The following EBF2 variants were observed in gnomAD, a reference collection of about 807,000 sequenced individuals.
The protein encoded by EBF2 is EBF transcription factor 2.
EBF2 carries 21 observed loss-of-function variants against 72.8 expected under a neutral mutation model. The observed-to-expected ratio is 0.29, with a 90% CI of 0.20 to 0.42. The LOEUF (loss-of-function observed/expected upper bound fraction) is 0.42. Ranked by LOEUF, EBF2 falls within the 10% of genes least tolerant of loss-of-function variation. The pLI, the probability that EBF2 is intolerant of heterozygous loss-of-function variation, is 1.00. For missense variants in EBF2, 637 were observed against 731.2 expected, an observed-to-expected ratio of 0.87 and a Z score of 1.49; for synonymous variants, 299 against 274.2, an observed-to-expected ratio of 1.09 and a Z score of -0.89.
At chr8:26,032,963 C>T in intron 6 of EBF2, 122 bp downstream of exon 6, 4 of 921,660 alleles carry the variant, frequency 4.3e-6, no homozygotes, top group Non-Finnish European at 6.9e-6. Context: ...GTTGGATGAG[C>T]TTAGTGACTT....
intron 6 of EBF2, among the ~76,000 whole-genome samples, chr8:25,985,776 G>A (rs956287015): frequency 5.9e-5 from 9 of 151,978 alleles, no homozygotes; most frequent in African/African-American, 1.7e-4. Flanking sequence ...GAGGCAGGCC[G>A]ACCGCTTGAG....
chr8:25,967,446 A>G (rs1394347990), intron 6 of EBF2, among the ~76,000 whole-genome samples: 1 of 152,240 alleles, frequency 6.6e-6, no homozygotes, highest in Non-Finnish European at 1.5e-5. Context: ...ACTCTAAACT[A>G]CCTTGAATGT....
rs762115850 is a variant in EBF2, at chr8:26,042,231, G to A, written c.152C>T (p.Ala51Val). The stretch of plus-strand genomic sequence containing the variant: ...GGAAGGAGGCTGTTTCTCAAAGTGG[G>A]CCCGGGACAGGGCGACCCCGCTGCA... ...AAQSGVALSRAHFEKQPPSNL... is the reference protein window; with the variant it reads ...AAQSGVALSRVHFEKQPPSNL... The change falls in exon 2 of 16, where the codon GCC (alanine) becomes GTC (valine). Residue 51 changes from alanine to valine, a missense_variant. By Grantham distance (64) the Ala-to-Val change is moderately conservative. Transcript: ENST00000520164. The A allele has an allele frequency of 1.1e-5, 18 of 1,613,892 alleles. No homozygotes were observed. The East Asian group carries it at 3.3e-4, about 30-fold the overall frequency.
chr8:25,853,437 C>G (rs1042764544), intron 14 of EBF2, among the ~76,000 whole-genome samples: 3 of 151,994 alleles, frequency 2.0e-5, no homozygotes, highest in African/African-American at 4.8e-5. Context: ...AACACTCAAA[C>G]TGATTCATAA....
Position 25,862,574 on chromosome 8 carries a change from G to A in EBF2, c.1098+135C>T, listed in dbSNP as rs373883465. The A allele has an allele frequency of 5.3e-4, 247 of 467,654 alleles. 2 individuals carry two copies. The highest frequency in any genetic ancestry group is 4.4e-3 in the South Asian group (120 of 27,262). The allele number at this position is 467,654 out of a possible 1,614,324, so 29.0% of individuals were successfully genotyped here. A position where few individuals can be genotyped will look rare whatever the true frequency, so the allele number is the denominator to read the frequency against. On this transcript the variant is annotated intron_variant, in intron 11 of 15. Coordinates refer to ENST00000520164, the MANE Select transcript of EBF2 (RefSeq NM_022659.4). Reference sequence around the variant, plus strand: ...ATATATTTCATAGCAGATATTTTATGTGCATCTCGTATCTAAAGCTTAGCC... The same window carrying A: ...ATATATTTCATAGCAGATATTTTATATGCATCTCGTATCTAAAGCTTAGCC...
chr8:26,044,138 T>C lies in EBF2; in HGVS notation c.131+591A>G, dbSNP rs1288454542. Among the ~76,000 whole-genome samples the C allele has an allele frequency of 2.6e-5, 4 of 152,224 alleles. No individual in the cohort carries two copies. Among genetic ancestry groups the C allele is most frequent in the African/African-American group, 9.6e-5 (4 of 41,464 alleles). On this transcript the variant is annotated intron_variant, in intron 1 of 15. Coordinates refer to ENST00000520164, the MANE Select transcript of EBF2 (RefSeq NM_022659.4). The surrounding 1 kb of genome is among the most constrained non-coding windows in gnomAD (Gnocchi z 4.1). ...GTTCGTCTGGCTCACTGTTTTATCT[T>C]TGAGCCGGGACCCTCCAGCCTGTCC...
intron 6 of EBF2, among the ~76,000 whole-genome samples, chr8:25,924,520 G>A (rs1352112160): frequency 6.6e-6 from 1 of 152,278 alleles, no homozygotes; most frequent in Middle Eastern, 3.4e-3. Flanking sequence ...GAGGTTAAAC[G>A]AAAAGCTGAT....
intron 6 of EBF2, among the ~76,000 whole-genome samples, chr8:25,950,619 T>C (rs1803845238): frequency 6.6e-6 from 1 of 152,178 alleles, no homozygotes; most frequent in African/African-American, 2.4e-5. Flanking sequence ...GGAGCCTGAC[T>C]AAAAACAAAA....
intron 6 of EBF2, among the ~76,000 whole-genome samples, chr8:25,933,064 CGTT>C (rs953932832): frequency 1.7e-4 from 26 of 152,240 alleles, no homozygotes; most frequent in Non-Finnish European, 1.6e-4. Context: ...TCACTGGAAA[CGTT>C]GTGAGTTGTT....
intron 6 of EBF2, among the ~76,000 whole-genome samples, chr8:25,958,337 G>C (rs1477916135): frequency 6.6e-6 from 1 of 152,028 alleles, no homozygotes; most frequent in Non-Finnish European, 1.5e-5. Flanking sequence ...AGACATGCAG[G>C]GAGAATAATT....
At position 26,044,117 on chromosome 8, in the gene EBF2, G is replaced by A. The variant is rs751628941; in HGVS notation, c.131+612C>T. Among the ~76,000 whole-genome samples the A allele has an allele frequency of 6.6e-6, 1 of 152,088 alleles. No individual in the cohort carries two copies. The highest frequency in any genetic ancestry group is 1.5e-5 in the Non-Finnish European group (1 of 68,034). On this transcript the variant is annotated intron_variant, in intron 1 of 15. Coordinates refer to ENST00000520164, the MANE Select transcript of EBF2 (RefSeq NM_022659.4). The surrounding 1 kb of genome is among the most constrained non-coding windows in gnomAD (Gnocchi z 4.1). Reference sequence around the variant, plus strand: ...TTTCTCCAGTTCCCTAGCTCCGTTCGTCTGGCTCACTGTTTTATCTTTGAG... The same window carrying A: ...TTTCTCCAGTTCCCTAGCTCCGTTCATCTGGCTCACTGTTTTATCTTTGAG...
intron 6 of EBF2, among the ~76,000 whole-genome samples, chr8:25,980,389 G>A (rs368285985): frequency 1.9e-4 from 29 of 152,104 alleles, no homozygotes; most frequent in African/African-American, 2.4e-5. Context: ...GACATTCAGA[G>A]AAGTCCAGAC....
chr8:25,990,188 T>TACACACACACAC (rs60406400), intron 6 of EBF2, among the ~76,000 whole-genome samples: 5 of 146,268 alleles, frequency 3.4e-5, no homozygotes, highest in African/African-American at 1.2e-4. Context: ...CTATGGGTTA[T>TACACACACACAC]ACACACACAC....
At chr8:25,848,706 CAT>C (rs1175701796) in intron 15 of EBF2, among the ~76,000 whole-genome samples, 1 of 152,052 alleles carries the variant, frequency 6.6e-6, no homozygotes, top group Non-Finnish European at 1.5e-5. Context: ...CTTTAAGTAA[CAT>C]ATGTGCTAAG....
chr8:26,006,969 C>T (rs1242319143), intron 6 of EBF2, among the ~76,000 whole-genome samples: 1 of 152,158 alleles, frequency 6.6e-6, no homozygotes, highest in Non-Finnish European at 1.5e-5. Flanking sequence ...CATAGTCTAC[C>T]TCAACAGAAG....
chr8:26,009,960 C>T (rs147939969), intron 6 of EBF2, among the ~76,000 whole-genome samples: 2 of 152,300 alleles, frequency 1.3e-5, no homozygotes, highest in South Asian at 2.1e-4. Context: ...ACCATTGGCT[C>T]GAACTCCTAT....
chr8:26,019,284 G>A (rs1300070289), intron 6 of EBF2, among the ~76,000 whole-genome samples: 1 of 147,824 alleles, frequency 6.8e-6, no homozygotes, highest in East Asian at 1.9e-4. Context: ...TTCCCACTGG[G>A]CCTGTAAAAC....
intron 10 of EBF2, among the ~76,000 whole-genome samples, chr8:25,872,475 T>C (rs1454525555): frequency 1.3e-5 from 2 of 152,068 alleles, no homozygotes; most frequent in African/African-American, 2.4e-5. Context: ...AAAGTAGAAA[T>C]TCTAAGCCTA....
chr8:25,957,246 C>T (rs1243066120), intron 6 of EBF2, among the ~76,000 whole-genome samples: 1 of 152,190 alleles, frequency 6.6e-6, no homozygotes. Flanking sequence ...GATCATGATG[C>T]TTTGCATATG....
Sources: gnomAD v4.1 joint callset for allele counts (sites outside exome capture counted in the v4.1 genomes callset) on GRCh38, gnomAD v4.1.1 for gene constraint, Gnocchi (gnomAD v3.1) non-coding constraint, MANE v1.5 for transcripts, NCBI Gene and HGNC (gene_info 2026-07-23, HGNC 2026-07-21) for gene names.